PTPRH: variants seen among roughly 807,000 people sequenced by gnomAD.
The protein encoded by PTPRH is receptor-type tyrosine-protein phosphatase H.
Under a neutral mutation model 130.2 loss-of-function variants are expected in PTPRH, and 113 were observed. The observed-to-expected ratio is 0.87, with a 90% confidence interval of 0.75 to 1.01. The LOEUF (loss-of-function observed/expected upper bound fraction) is 1.01, where lower values mean the gene tolerates loss of function less well. Among genes scored for constraint, PTPRH ranks in the 50% least tolerant of loss-of-function variants. PTPRH has a pLI of 0.00. For missense variants in PTPRH, 1,430 were observed against 1,425.0 expected (o/e 1.00, Z -0.06); for synonymous variants, 556 against 577.9 (o/e 0.96, Z 0.54).
chr19:55,185,237 C>G (rs576891981), intron 18 of PTPRH, among the ~76,000 whole-genome samples: 1 of 152,274 alleles, frequency 6.6e-6, no homozygotes, highest in Non-Finnish European at 1.5e-5. Context: ...AAGTGATCCA[C>G]CCGCCTTGGC....
chr19:55,193,037 T>G (rs2086587385), intron 10 of PTPRH, among the ~76,000 whole-genome samples: 1 of 151,570 alleles, frequency 6.6e-6, no homozygotes, highest in Admixed American at 6.6e-5. Flanking sequence ...GAGACCAGCC[T>G]GGGCAACATA....
chr19:55,203,727 C>G (rs1346447998), intron 5 of PTPRH, 55 bp downstream of exon 5: 1 of 1,534,322 alleles, frequency 6.5e-7, no homozygotes, highest in East Asian at 2.3e-5. Context: ...TCCCAACCAC[C>G]CCCTACCACT....
At chr19:55,207,138 G>A in intron 2 of PTPRH, 28 bp downstream of exon 2, 1 of 1,612,292 alleles carries the variant, frequency 6.2e-7, no homozygotes, top group South Asian at 1.1e-5. Context: ...CTTCGAGTGG[G>A]CAGTGAGTTC....
rs1409297264 is a variant in PTPRH, at chr19:55,200,822, A to G, written c.1154-320T>C. Among the ~76,000 whole-genome samples, 7 of 152,174 alleles carry G rather than the reference A, an allele frequency of 4.6e-5. No individual in the cohort carries two copies. In the East Asian group the frequency reaches 1.2e-3, roughly 25 times the overall value. Reference sequence around the variant, plus strand: ...GCCGGGCGTGGTGGCTGGTGCCTGTAGTCCCAGCTACTCGGGAGGCTGAGG... The same window carrying G: ...GCCGGGCGTGGTGGCTGGTGCCTGTGGTCCCAGCTACTCGGGAGGCTGAGG... On this transcript the variant is annotated intron_variant, in intron 6 of 19. Coordinates refer to ENST00000376350, the MANE Select transcript of PTPRH (RefSeq NM_002842.5).
chr19:55,196,851 CT>C (rs2086698163), intron 9 of PTPRH, 63 bp from the exon 10 acceptor site: 2 of 1,558,532 alleles, frequency 1.3e-6, no homozygotes, highest in Non-Finnish European at 1.7e-6. Flanking sequence ...CCCTCCACCC[CT>C]ACCCCCAGTT....
Position 55,200,276 on chromosome 19 carries a change from A to G in PTPRH, c.1380T>C (p.Asn460=), listed in dbSNP as rs755215209. The part of the protein sequence containing the change: ...LYTFSVWAEK[N]GARGSRQNVS... Reference sequence around the variant, plus strand: ...CATTCTGCCTGGAGCCACGTGCTCCATTTTTTTCTGCCCATACAGAGAATG... The same window carrying G: ...CATTCTGCCTGGAGCCACGTGCTCCGTTTTTTTCTGCCCATACAGAGAATG... The change falls in exon 7 of 20, where the codon AAT becomes AAC. Residue 460 remains asparagine (N), a synonymous_variant. Coordinates refer to ENST00000376350, the MANE Select transcript of PTPRH (RefSeq NM_002842.5). 2 of 1,614,100 alleles carry G rather than the reference A, an allele frequency of 1.2e-6. No individual in the cohort carries two copies. Among genetic ancestry groups the G allele is most frequent in the South Asian group, 1.1e-5 (1 of 91,086 alleles).
intron 12 of PTPRH, among the ~76,000 whole-genome samples, chr19:55,189,512 C>G (rs1467537072): frequency 2.6e-5 from 4 of 152,290 alleles, no homozygotes; most frequent in South Asian, 2.1e-4. Flanking sequence ...CGGAGACGCA[C>G]GATGTTCTCT....
In PTPRH at chr19:55,204,205, C is replaced by T. The variant is rs146158627; in HGVS notation, c.620-157G>A. 5.3e-5 allele frequency among the ~76,000 whole-genome samples: 8 copies of T among 152,156 alleles called. No individual in the cohort carries two copies. In the East Asian group the frequency reaches 7.7e-4, roughly 15 times the overall value. On this transcript the variant is annotated intron_variant, in intron 4 of 19. Transcript: ENST00000376350. Reference sequence around the variant, plus strand: ...CACGATCTCGGCTCACCACAGCCTCCGCCGTCCGGGTTCAAGCGATTCTCC... The same window carrying T: ...CACGATCTCGGCTCACCACAGCCTCTGCCGTCCGGGTTCAAGCGATTCTCC...
chr19:55,187,281 C>T (rs1370547242), intron 14 of PTPRH, among the ~76,000 whole-genome samples: 1 of 116,632 alleles, frequency 8.6e-6, no homozygotes, highest in African/African-American at 3.5e-5. Context: ...GGAGGCGGAG[C>T]TTGCAGTGAG....
chr19:55,202,682 G>A (rs561584977), intron 5 of PTPRH, among the ~76,000 whole-genome samples: 1 of 151,908 alleles, frequency 6.6e-6, no homozygotes, highest in African/African-American at 2.4e-5. Flanking sequence ...TATTTTGTGG[G>A]TATATACTCA....
Position 55,181,784 on chromosome 19 carries a change from G to A in PTPRH, c.3318C>T (p.Ala1106=), listed in dbSNP as rs149195803. 446 of 1,614,132 alleles carry A rather than the reference G, an allele frequency of 2.8e-4. 1 individual carries two copies. In the African/African-American group the frequency reaches 4.6e-3, roughly 16 times the overall value. ...DVENLIYENV[A]AIQAHKLEV is the part of the protein sequence containing the mutation. ...CCTCCAACTTGTGGGCCTGGATGGC[G>A]GCCACGTTCTCGTAGATGAGGTTTT... is the stretch of plus-strand genomic sequence containing the variant. The change falls in exon 20 of 20, where the codon GCC becomes GCT. Residue 1106 remains alanine (A), a synonymous_variant. Transcript: ENST00000376350.
Position 55,181,477 on chromosome 19 carries a change from T to A in PTPRH, c.*277A>T, listed in dbSNP as rs551827045. ...GCCTCAGAATCCAGGCCCCAGCCTG[T>A]TTCTTTCTGCATCCTGGAAAGACCT... On this transcript the variant is annotated 3_prime_UTR_variant, in exon 20 of 20. Transcript: ENST00000376350. 7 of 390,282 alleles carry A rather than the reference T, an allele frequency of 1.8e-5. No individual in the cohort carries two copies. The highest frequency in any genetic ancestry group is 1.2e-4 in the African/African-American group (6 of 50,174). 24.2% of individuals were successfully genotyped at this position (390,282 alleles called of 1,614,324 possible). A position where few individuals can be genotyped will look rare whatever the true frequency, so the allele number is the denominator to read the frequency against.
chr19:55,196,857 C>T, intron 9 of PTPRH, 69 bp from the exon 10 acceptor site: 1 of 1,549,972 alleles, frequency 6.5e-7, no homozygotes, highest in Non-Finnish European at 8.8e-7. Flanking sequence ...ACCCCTACCC[C>T]CAGTTTTCTG....
intron 18 of PTPRH, among the ~76,000 whole-genome samples, chr19:55,182,438 G>C (rs1046837254): frequency 1.3e-5 from 2 of 152,096 alleles, no homozygotes; most frequent in Non-Finnish European, 2.9e-5. Flanking sequence ...GCGAAGAATC[G>C]CTTGAACCCA....
At chr19:55,185,733 G>A (rs771395873) in intron 17 of PTPRH, 71 bp from the exon 18 acceptor site, 436 of 1,594,054 alleles carry the variant, frequency 2.7e-4, no homozygotes, top group Middle Eastern at 6.7e-4. Flanking sequence ...CACCAGGAGC[G>A]GGTTCCCTGG....
chr19:55,185,138 G>T (rs1232893942), intron 18 of PTPRH, among the ~76,000 whole-genome samples: 1 of 151,898 alleles, frequency 6.6e-6, no homozygotes, highest in Non-Finnish European at 1.5e-5. Context: ...GGGATTACAG[G>T]TGCCCGCCAC....
At position 55,198,852 on chromosome 19, in the gene PTPRH, C is replaced by T. The variant is rs925265680; in HGVS notation, c.1481G>A (p.Arg494His). The T allele has an allele frequency of 5.7e-6, 9 of 1,579,256 alleles. No individual in the cohort carries two copies. The highest frequency in any genetic ancestry group is 2.7e-5 in the African/African-American group (2 of 73,990). Residue 494 changes from arginine to histidine, a missense_variant, in exon 8 of 20, where the codon CGC becomes CAC. By Grantham distance (29) the Arg-to-His change is conservative. Transcript: ENST00000376350. ...GCCTGGGCCCTGGGGAGCTGTCCAG[C>T]GCAAAGCAATGGTGCTGTTGGTCCA... is the stretch of plus-strand genomic sequence containing the variant. ...QDWTNSTIAL[R>H]WTAPQGPGQS...
At chr19:55,194,315 TGTTGACAGG>T in intron 10 of PTPRH, 1 of 1,286,048 alleles carries the variant, frequency 7.8e-7, no homozygotes, top group Non-Finnish European at 1.0e-6. Flanking sequence ...AGAGTGTGTT[TGTTGACAGG>T]GAACTGAAGG....
At chr19:55,199,476 G>A (rs1251522709) in intron 7 of PTPRH, among the ~76,000 whole-genome samples, 1 of 151,884 alleles carries the variant, frequency 6.6e-6, no homozygotes, top group African/African-American at 2.4e-5. Flanking sequence ...GTGGTGGTGC[G>A]TGCCTGTTGT....
Sources: gnomAD v4.1 joint callset for allele counts (sites outside exome capture counted in the v4.1 genomes callset) on GRCh38, gnomAD v4.1.1 for gene constraint, MANE v1.5 for transcripts, NCBI Gene and HGNC (gene_info 2026-07-23, HGNC 2026-07-21) for gene names.